Variants in ERGIC1 observed in about 807,000 individuals in gnomAD.
The protein encoded by ERGIC1 is endoplasmic reticulum-Golgi intermediate compartment protein 1.
ERGIC1 carries 19 observed loss-of-function variants against 38.3 expected under a neutral mutation model. That is an observed-to-expected ratio of 0.50 (90% confidence interval 0.35 to 0.73). The LOEUF (loss-of-function observed/expected upper bound fraction) is 0.73, where lower values mean the gene tolerates loss of function less well. Ranked by LOEUF, ERGIC1 falls within the 30% of genes least tolerant of loss-of-function variation. The pLI, the probability that ERGIC1 is intolerant of heterozygous loss-of-function variation, is 0.01. For synonymous variants in ERGIC1, 124 were observed against 157.6 expected (o/e 0.79, Z 1.60); for missense variants, 294 against 389.2 (o/e 0.76, Z 2.06).
chr5:172,872,730 G>T (rs1285702322), intron 1 of ERGIC1, among the ~76,000 whole-genome samples: 1 of 152,138 alleles, frequency 6.6e-6, no homozygotes, highest in East Asian at 1.9e-4. Context: ...CAGGAGAATT[G>T]CTTGAGCCCG....
chr5:172,931,311 C>G (rs1428054275), intron 7 of ERGIC1: 3 of 152,250 alleles, frequency 2.0e-5, no homozygotes, highest in African/African-American at 7.2e-5. Context: ...CCAGTTACCT[C>G]ACGCTTATCA....
In ERGIC1 at chr5:172,946,891, T is replaced by A. The variant is rs1427051837; in HGVS notation, c.766-3818T>A. On this transcript the variant is annotated intron_variant, in intron 9 of 9. Coordinates refer to ENST00000393784, the MANE Select transcript of ERGIC1 (RefSeq NM_001031711.3). ...GTTCTCTCAGCATTTTTTTTTTTTT[T>A]AAGTCACGGGGCCAGGCATGGTGGC... is the stretch of plus-strand genomic sequence containing the variant. 8.6e-4 allele frequency among the ~76,000 whole-genome samples: 113 copies of A among 131,086 alleles called. 1 individual carries two copies. Among genetic ancestry groups the A allele is most frequent in the African/African-American group, 3.2e-3 (112 of 35,330 alleles). The allele number at this position is 131,086 out of a possible 152,430, so 86.0% of individuals were successfully genotyped here.
chr5:172,895,030 T>C (rs1284486591), intron 2 of ERGIC1, among the ~76,000 whole-genome samples: 3 of 152,280 alleles, frequency 2.0e-5, no homozygotes, highest in Non-Finnish European at 4.4e-5. Flanking sequence ...GATAACTGGC[T>C]GTCACATCCG....
chr5:172,848,342 T>A (rs1045757555), intron 1 of ERGIC1, among the ~76,000 whole-genome samples: 1 of 152,178 alleles, frequency 6.6e-6, no homozygotes, highest in African/African-American at 2.4e-5. Context: ...TGATGAGTGC[T>A]GAGAAGGAAG....
rs1400063710 is a variant in ERGIC1 at position 172,952,281 on chromosome 5, T to C, written c.*1465T>C. 1.3e-5 allele frequency: 2 copies of C among 152,334 alleles called. No homozygotes were observed. The highest frequency in any genetic ancestry group is 1.9e-4 in the East Asian group (1 of 5,186). The allele number at this position is 152,334 out of a possible 1,614,324, so 9.4% of individuals were successfully genotyped here. On this transcript the variant is annotated 3_prime_UTR_variant, in exon 10 of 10. Transcript: ENST00000393784. Reference sequence around the variant, plus strand: ...TGTAATTTTTGGCTCTAAGCTCCGATTGGAGACGCTTCTCCTTGTGCATGT... The same window carrying C: ...TGTAATTTTTGGCTCTAAGCTCCGACTGGAGACGCTTCTCCTTGTGCATGT...
intron 5 of ERGIC1, chr5:172,915,375 A>C (rs1022221639): frequency 2.5e-5 from 11 of 438,436 alleles, no homozygotes; most frequent in Non-Finnish European, 4.9e-5. Flanking sequence ...TGGTAGAGGG[A>C]GACAGTCTAC....
chr5:172,903,966 C>T (rs1370773254), intron 3 of ERGIC1, among the ~76,000 whole-genome samples: 1 of 107,310 alleles, frequency 9.3e-6, no homozygotes, highest in Non-Finnish European at 1.9e-5. Context: ...GAGTCTCACA[C>T]ATACACACAC....
intron 1 of ERGIC1, among the ~76,000 whole-genome samples, chr5:172,871,070 G>T (rs10074697): frequency 0.2 from 30,235 of 152,230 alleles, 3,439 homozygotes; most frequent in East Asian, 0.31. Flanking sequence ...CCGTGCTGTT[G>T]TTTGTGAATG....
chr5:172,850,503 G>T (rs792963), intron 1 of ERGIC1, among the ~76,000 whole-genome samples: 311 of 152,344 alleles, frequency 2.0e-3, no homozygotes, highest in African/African-American at 6.8e-3. Context: ...GTAGAGGGAG[G>T]TGGGCACCGT....
intron 1 of ERGIC1, among the ~76,000 whole-genome samples, chr5:172,841,121 TA>T (rs1581502871): frequency 6.6e-6 from 1 of 152,366 alleles, no homozygotes; most frequent in East Asian, 1.9e-4. Flanking sequence ...GCAATTAGCC[TA>T]ATTGTCTGTT....
chr5:172,895,359 A>T (rs923939130), intron 2 of ERGIC1, among the ~76,000 whole-genome samples: 3 of 152,040 alleles, frequency 2.0e-5, no homozygotes, highest in African/African-American at 7.3e-5. Flanking sequence ...AGGTTAAGTA[A>T]CTCACTTAGG....
intron 1 of ERGIC1, among the ~76,000 whole-genome samples, chr5:172,835,628 C>T (rs565514028): frequency 1.3e-5 from 2 of 152,312 alleles, no homozygotes; most frequent in South Asian, 4.1e-4. Context: ...CATGTGAAGG[C>T]AGTGTAAAGT....
chr5:172,942,087 A>G (rs1390603305), intron 9 of ERGIC1, among the ~76,000 whole-genome samples: 5 of 152,086 alleles, frequency 3.3e-5, no homozygotes, highest in Non-Finnish European at 7.4e-5. Context: ...TTTAATCTCA[A>G]CTACGTGGGA....
chr5:172,916,246 C>CT (rs1444594910), intron 5 of ERGIC1: 1 of 152,312 alleles, frequency 6.6e-6, no homozygotes, highest in African/African-American at 2.4e-5. Flanking sequence ...GAGAAATCTG[C>CT]TGCATGTTGT....
chr5:172,935,348 G>GC (rs1488215759), intron 9 of ERGIC1, 38 bp downstream of exon 9: 12 of 1,612,074 alleles, frequency 7.4e-6, no homozygotes, highest in Admixed American at 3.3e-5. Context: ...CCCTGAGCCA[G>GC]CCACCCTGCG....
chr5:172,920,557 G>A, intron 5 of ERGIC1: 1 of 665,916 alleles, frequency 1.5e-6, no homozygotes, highest in Admixed American at 2.2e-5. Context: ...AGGTTCCTAA[G>A]TCACAGGCTC....
chr5:172,940,308 G>A (rs943810121), intron 9 of ERGIC1, among the ~76,000 whole-genome samples: 1 of 152,156 alleles, frequency 6.6e-6, no homozygotes, highest in Admixed American at 6.5e-5. Flanking sequence ...CTCTCGGCAC[G>A]TGGGGCACCT....
At position 172,951,822 on chromosome 5, in the gene ERGIC1, T is replaced by C. The variant is rs970941290; in HGVS notation, c.*1006T>C. 4 of 152,292 alleles carry C rather than the reference T, an allele frequency of 2.6e-5. No homozygotes were observed. The highest frequency in any genetic ancestry group is 5.9e-5 in the Non-Finnish European group (4 of 68,108). 9.4% of individuals were successfully genotyped at this position (152,292 alleles called of 1,614,324 possible). ...ACGCCATCGGTCCCAAGGCCTTAGGTGGAGGAAGCAAAGCAGGCCAGGCCT... is the reference window on the plus strand; with the variant it reads ...ACGCCATCGGTCCCAAGGCCTTAGGCGGAGGAAGCAAAGCAGGCCAGGCCT... On this transcript the variant is annotated 3_prime_UTR_variant, in exon 10 of 10. Coordinates refer to ENST00000393784, the MANE Select transcript of ERGIC1 (RefSeq NM_001031711.3).
chr5:172,943,206 G>A (rs527515633), intron 9 of ERGIC1, among the ~76,000 whole-genome samples: 59 of 152,276 alleles, frequency 3.9e-4, no homozygotes, highest in African/African-American at 1.3e-3. Flanking sequence ...CATAATAGGT[G>A]CTCAACCAAA....
Sources: allele counts gnomAD v4.1 joint callset (sites outside exome capture counted in the v4.1 genomes callset), GRCh38; gene constraint gnomAD v4.1.1; transcripts MANE v1.5; gene names NCBI Gene and HGNC (gene_info 2026-07-23, HGNC 2026-07-21).